Variants in TFDP2 observed in about 807,000 individuals in gnomAD.
TFDP2 encodes the protein transcription factor Dp-2.
Under a neutral mutation model 59.3 loss-of-function variants are expected in TFDP2, and 17 were observed. The ratio of observed to expected loss-of-function variants is 0.29; its 90% CI spans 0.20 to 0.43. The LOEUF is 0.43. Among genes scored for constraint, TFDP2 ranks in the 20% least tolerant of loss-of-function variants. TFDP2 has a pLI of 1.00. For missense variants in TFDP2, 391 were observed against 528.8 expected, an observed-to-expected ratio of 0.74 and a Z score of 2.56; for synonymous variants, 180 against 194.7, an observed-to-expected ratio of 0.92 and a Z score of 0.63.
At chr3:141,983,175 G>T (rs1256767048) in intron 6 of TFDP2, among the ~76,000 whole-genome samples, 1 of 152,142 alleles carries the variant, frequency 6.6e-6, no homozygotes, top group Non-Finnish European at 1.5e-5. Context: ...TTCAACAAAG[G>T]AGGTTAAAAG....
intron 3 of TFDP2, among the ~76,000 whole-genome samples, chr3:142,048,545 C>T (rs1947461330): frequency 6.6e-6 from 1 of 152,006 alleles, no homozygotes; most frequent in South Asian, 2.1e-4. Flanking sequence ...AAATGCAGAG[C>T]CGTTTTCAAC....
At position 141,947,890 on chromosome 3, in the gene TFDP2, C is replaced by G. The variant is rs1264404697; in HGVS notation, c.*4623G>C. 1 of 152,430 alleles carries G rather than the reference C, an allele frequency of 6.6e-6. No homozygotes were observed. Among genetic ancestry groups the G allele is most frequent in the Non-Finnish European group, 1.5e-5 (1 of 68,228 alleles). The allele number at this position is 152,430 out of a possible 1,614,324, so 9.4% of individuals were successfully genotyped here. A position where few individuals can be genotyped will look rare whatever the true frequency, so the allele number is the denominator to read the frequency against. The stretch of plus-strand genomic sequence containing the variant: ...TCCCAGAGGGGCCTTTCCCAGCCAC[C>G]CCCAGCCAAAGTAGCCTTTCCCAAA... On this transcript the variant is annotated 3_prime_UTR_variant, in exon 13 of 13. Transcript: ENST00000489671.
intron 3 of TFDP2, among the ~76,000 whole-genome samples, chr3:142,058,209 T>C (rs1377692182): frequency 6.6e-6 from 1 of 152,124 alleles, no homozygotes; most frequent in Non-Finnish European, 1.5e-5. Context: ...CCCTCGATAT[T>C]AAAAGAGAGA....
At chr3:142,013,124 C>T (rs780679251) in intron 3 of TFDP2, among the ~76,000 whole-genome samples, 8 of 151,662 alleles carry the variant, frequency 5.3e-5, no homozygotes, top group Admixed American at 2.0e-4. Context: ...GGTGACAGAG[C>T]GAGACTCCAT....
At chr3:142,133,433 T>C (rs1313229895) in intron 1 of TFDP2, among the ~76,000 whole-genome samples, 2 of 149,946 alleles carry the variant, frequency 1.3e-5, no homozygotes, top group African/African-American at 5.1e-5. Flanking sequence ...CTCATACTCC[T>C]GGGCTCAAAC....
chr3:141,963,859 G>T lies in TFDP2; in HGVS notation c.837C>A (p.Ile279=). The change falls in exon 10 of 13, where the codon ATC becomes ATA. Residue 279 remains isoleucine (I), a synonymous_variant. Coordinates refer to ENST00000489671, the MANE Select transcript of TFDP2 (RefSeq NM_001178139.2). The part of the protein sequence containing the change: ...NSTIQLPFII[I]NTSRKTVIDC... Reference sequence around the variant, plus strand: ...CTATGACTGTTTTTCTGCTTGTATTGATGATTATGAATGGCAGCTGAATGG... The same window carrying T: ...CTATGACTGTTTTTCTGCTTGTATTTATGATTATGAATGGCAGCTGAATGG... The T allele has an allele frequency of 6.2e-7, 1 of 1,613,612 alleles. No individual in the cohort carries two copies. Among genetic ancestry groups the T allele is most frequent in the South Asian group, 1.1e-5 (1 of 91,018 alleles).
chr3:142,037,044 A>G (rs914349688), intron 3 of TFDP2, among the ~76,000 whole-genome samples: 3 of 152,228 alleles, frequency 2.0e-5, no homozygotes, highest in Admixed American at 1.3e-4. Context: ...ACATTCCTAC[A>G]TAAAATATAT....
intron 3 of TFDP2, among the ~76,000 whole-genome samples, chr3:142,082,640 G>A (rs556737409): frequency 3.9e-5 from 6 of 152,030 alleles, no homozygotes; most frequent in East Asian, 3.9e-4. Flanking sequence ...CTACTAAACC[G>A]TATTCAACAA....
chr3:142,024,184 T>G (rs1486083452), intron 3 of TFDP2, among the ~76,000 whole-genome samples: 1 of 152,232 alleles, frequency 6.6e-6, no homozygotes, highest in African/African-American at 2.4e-5. Context: ...TGTTCATTTT[T>G]CTGTCAGAGA....
At chr3:142,138,406 C>T (rs1164482864) in intron 1 of TFDP2, among the ~76,000 whole-genome samples, 3 of 152,172 alleles carry the variant, frequency 2.0e-5, no homozygotes, top group Non-Finnish European at 2.9e-5. Context: ...TTCTTGCCTT[C>T]CGCTAGCTTT....
intron 3 of TFDP2, among the ~76,000 whole-genome samples, chr3:142,083,749 G>C (rs192012547): frequency 6.6e-6 from 1 of 152,152 alleles, no homozygotes; most frequent in Admixed American, 6.6e-5. Flanking sequence ...AACATACACT[G>C]GAGAACAGAC....
At chr3:142,079,009 A>T (rs771468910) in intron 3 of TFDP2, among the ~76,000 whole-genome samples, 69 of 152,214 alleles carry the variant, frequency 4.5e-4, no homozygotes, top group Middle Eastern at 3.4e-3. Flanking sequence ...TGCAACTGAC[A>T]CGATGAAAAA....
intron 3 of TFDP2, among the ~76,000 whole-genome samples, chr3:142,080,479 C>T (rs1376497989): frequency 2.0e-5 from 3 of 152,030 alleles, no homozygotes; most frequent in Middle Eastern, 3.2e-3. Context: ...AATAAAATGG[C>T]GGGAGTAAGT....
chr3:142,104,694 TA>T (rs369119050), intron 1 of TFDP2, among the ~76,000 whole-genome samples: 13,653 of 152,110 alleles, frequency 0.09, 717 homozygotes, highest in Middle Eastern at 0.14. Flanking sequence ...AATGAAAATT[TA>T]AAAAAACTTA....
intron 3 of TFDP2, among the ~76,000 whole-genome samples, chr3:142,020,440 C>T (rs1384352811): frequency 6.6e-6 from 1 of 151,616 alleles, no homozygotes; most frequent in East Asian, 1.9e-4. Flanking sequence ...GTGGCTGAGG[C>T]AGGAGAATTG....
At chr3:142,104,953 G>T (rs1031111385) in intron 1 of TFDP2, among the ~76,000 whole-genome samples, 2 of 151,988 alleles carry the variant, frequency 1.3e-5, no homozygotes, top group African/African-American at 4.8e-5. Context: ...ATGGACTTTG[G>T]CTCCGTCTCA....
At chr3:142,079,521 T>C (rs932334348) in intron 3 of TFDP2, among the ~76,000 whole-genome samples, 3 of 151,998 alleles carry the variant, frequency 2.0e-5, no homozygotes, top group East Asian at 1.9e-4. Context: ...GAGAGAGATA[T>C]CAACATTCAA....
chr3:142,106,534 T>C (rs2061478949), intron 1 of TFDP2, among the ~76,000 whole-genome samples: 1 of 152,216 alleles, frequency 6.6e-6, no homozygotes. Context: ...TTAAATAAAT[T>C]TGGCACAGAA....
chr3:142,047,388 TCCATA>T (rs1947392578), intron 3 of TFDP2, among the ~76,000 whole-genome samples: 2 of 152,142 alleles, frequency 1.3e-5, no homozygotes, highest in African/African-American at 4.8e-5. Context: ...AACACTATAA[TCCATA>T]CCTTATAGGT....
Sources: gnomAD v4.1 joint callset for allele counts (sites outside exome capture counted in the v4.1 genomes callset) on GRCh38, gnomAD v4.1.1 for gene constraint, MANE v1.5 for transcripts, NCBI Gene and HGNC (gene_info 2026-07-23, HGNC 2026-07-21) for gene names.